NCOA1: variants seen among roughly 807,000 people sequenced by gnomAD.
NCOA1 encodes Hin-2 protein.
Under a neutral mutation model 150.9 loss-of-function variants are expected in NCOA1, and 35 were observed. That is an observed-to-expected ratio of 0.23 (90% CI 0.18 to 0.31). The LOEUF (loss-of-function observed/expected upper bound fraction) is 0.31. Ranked by LOEUF, NCOA1 falls within the 10% of genes least tolerant of loss-of-function variation. The pLI is 1.00. For missense variants in NCOA1, 1,491 were observed against 1,749.3 expected (o/e 0.85, Z 2.63); for synonymous variants, 590 against 630.0 (o/e 0.94, Z 0.95).
chr2:24,523,843 T>C (rs1664535501), intron 1 of NCOA1, among the ~76,000 whole-genome samples: 1 of 139,710 alleles, frequency 7.2e-6, no homozygotes, highest in Non-Finnish European at 1.5e-5. Context: ...GGAGAATCGC[T>C]TGAACCCAGG....
At chr2:24,559,092 T>C (rs966610989) in intron 1 of NCOA1, among the ~76,000 whole-genome samples, 17 of 152,176 alleles carry the variant, frequency 1.1e-4, no homozygotes, top group African/African-American at 3.6e-4. Context: ...GTAGTGCAGT[T>C]AGAAAAATAA....
chr2:24,713,406 A>G (rs1379001245), intron 14 of NCOA1, among the ~76,000 whole-genome samples: 2 of 152,176 alleles, frequency 1.3e-5, no homozygotes, highest in African/African-American at 4.8e-5. Context: ...TACTTGTACC[A>G]AAGCTTGTCA....
At chr2:24,522,563 G>T (rs534133122) in intron 1 of NCOA1, among the ~76,000 whole-genome samples, 1 of 152,154 alleles carries the variant, frequency 6.6e-6, no homozygotes, top group African/African-American at 2.4e-5. Flanking sequence ...TACACCAGAC[G>T]GAGTGCCCAA....
rs143048201 is a variant in NCOA1 at position 24,683,061 on chromosome 2, C to G, written c.465C>G (p.Ser155Arg). The change falls in exon 8 of 23, where the codon AGC (serine) becomes AGG (arginine). Residue 155 changes from serine (S) to arginine (R), a missense_variant. Coordinates refer to ENST00000348332, the MANE Select transcript of NCOA1 (RefSeq NM_003743.5). ...ATCAGGAGGAATTAATGAATACGAG[C>G]GTCTACAGCATACTGCACGTGGGGG... ...GYNQEELMNT[S>R]VYSILHVGDH... The G allele has an allele frequency of 6.2e-7, 1 of 1,609,756 alleles. No homozygotes were observed. The highest frequency in any genetic ancestry group is 8.5e-7 in the Non-Finnish European group (1 of 1,178,586).
Position 24,707,677 on chromosome 2 carries a change from A to G in NCOA1, c.2207A>G (p.Asp736Gly), listed in dbSNP as rs1673523613. ...QGNSSIKLEL[D>G]ASKKKESKDH... ...AACTCCAGTATAAAACTAGAACTGG[A>G]TGCTTCAAAGAAAAAAGAATCAAAA... Residue 736 changes from aspartate (D) to glycine (G), a missense_variant, in exon 13 of 23, where the codon GAT (aspartate) becomes GGT (glycine). Physicochemically the swap from Asp to Gly is moderately conservative, Grantham distance 94 (BLOSUM62 -1). Coordinates refer to ENST00000348332, the MANE Select transcript of NCOA1 (RefSeq NM_003743.5). The G allele has an allele frequency of 6.2e-7, 1 of 1,614,106 alleles. No homozygotes were observed. Among genetic ancestry groups the G allele is most frequent in the African/African-American group, 1.3e-5 (1 of 74,944 alleles).
chr2:24,697,249 C>T (rs1394162059), intron 10 of NCOA1, among the ~76,000 whole-genome samples: 1 of 152,160 alleles, frequency 6.6e-6, no homozygotes, highest in Non-Finnish European at 1.5e-5. Flanking sequence ...CTCATATTCT[C>T]TTCACTTAGT....
At chr2:24,525,784 G>A (rs192052617) in intron 1 of NCOA1, among the ~76,000 whole-genome samples, 33 of 152,204 alleles carry the variant, frequency 2.2e-4, no homozygotes, top group African/African-American at 7.0e-4. Flanking sequence ...CTGGCCTCAA[G>A]TGATCTGCCC....
chr2:24,691,406 G>T (rs564901474), intron 8 of NCOA1, 75 bp from the exon 9 acceptor site: 2 of 1,403,256 alleles, frequency 1.4e-6, no homozygotes, highest in East Asian at 4.6e-5. Context: ...ATGGCTTAAA[G>T]TACATCTTTT....
chr2:24,513,821 C>T (rs1056355145), intron 1 of NCOA1, among the ~76,000 whole-genome samples: 4 of 152,162 alleles, frequency 2.6e-5, no homozygotes, highest in Non-Finnish European at 5.9e-5. Flanking sequence ...AGATGGTTAG[C>T]AGCTGTTAGG....
Position 24,518,476 on chromosome 2 carries a change from G to A in NCOA1, c.-396+26874G>A, listed in dbSNP as rs369626944. 6.6e-5 allele frequency among the ~76,000 whole-genome samples: 10 copies of A among 152,056 alleles called. 1 individual carries two copies. The highest frequency in any genetic ancestry group is 2.6e-4 in the Admixed American group (4 of 15,274). The stretch of plus-strand genomic sequence containing the variant: ...TACCACTTTTCTTCCACATTATACT[G>A]GAGGTTCTAATCTGTATGATGAAGT... On this transcript the variant is annotated intron_variant, in intron 1 of 22. Transcript: ENST00000348332.
Position 24,707,413 on chromosome 2 carries a change from C to T in NCOA1, c.1943C>T (p.Ala648Val), listed in dbSNP as rs1024602594. The T allele has an allele frequency of 1.2e-6, 2 of 1,614,210 alleles. No homozygotes were observed. The highest frequency in any genetic ancestry group is 1.1e-5 in the South Asian group (1 of 91,086). The part of the protein sequence containing the change: ...TTTAEQQLRH[A>V]DIDTSCKDVL... ...ACTGCCGAACAGCAGTTACGGCATG[C>T]TGATATAGACACAAGCTGCAAAGAT... The change falls in exon 13 of 23, where the codon GCT (alanine) becomes GTT (valine). Residue 648 changes from alanine (A) to valine (V), a missense_variant. Transcript: ENST00000348332.
intron 4 of NCOA1, 90 bp from the exon 5 acceptor site, chr2:24,658,571 G>T (rs1671045701): frequency 2.2e-6 from 2 of 890,226 alleles, no homozygotes; most frequent in Admixed American, 2.2e-5. Context: ...ACAATTTTTA[G>T]AAATTTTCTA....
chr2:24,568,382 C>T (rs956881729), intron 2 of NCOA1, among the ~76,000 whole-genome samples: 3 of 152,022 alleles, frequency 2.0e-5, no homozygotes, highest in African/African-American at 7.3e-5. Flanking sequence ...CAAATTTTGG[C>T]CAGTTATATT....
intron 1 of NCOA1, among the ~76,000 whole-genome samples, chr2:24,499,840 AC>A (rs1663380481): frequency 6.6e-6 from 1 of 152,246 alleles, no homozygotes; most frequent in Non-Finnish European, 1.5e-5. Flanking sequence ...CCCCTAGCCA[AC>A]GTTACTCGTT....
chr2:24,712,404 G>A (rs943845270), intron 14 of NCOA1, among the ~76,000 whole-genome samples: 6 of 152,098 alleles, frequency 3.9e-5, no homozygotes, highest in Non-Finnish European at 5.9e-5. Context: ...TTTTCTCAGG[G>A]GACATTGAAT....
At chr2:24,544,003 AT>A (rs575741242) in intron 1 of NCOA1, among the ~76,000 whole-genome samples, 126 of 152,268 alleles carry the variant, frequency 8.3e-4, no homozygotes, top group African/African-American at 2.9e-3. Flanking sequence ...CTAACAAGAA[AT>A]TTTTCTAGGT....
At chr2:24,514,734 T>C (rs1414006774) in intron 1 of NCOA1, among the ~76,000 whole-genome samples, 1 of 151,718 alleles carries the variant, frequency 6.6e-6, no homozygotes, top group East Asian at 1.9e-4. Context: ...GTGGTGATTG[T>C]GCCACTGTGC....
chr2:24,517,012 A>G (rs1339285721), intron 1 of NCOA1, among the ~76,000 whole-genome samples: 122 of 145,382 alleles, frequency 8.4e-4, no homozygotes, highest in Non-Finnish European at 1.3e-3. Context: ...GCGCACACAC[A>G]CACACACACA....
chr2:24,510,488 A>G (rs554819373), intron 1 of NCOA1, among the ~76,000 whole-genome samples: 1 of 152,272 alleles, frequency 6.6e-6, no homozygotes, highest in South Asian at 2.1e-4. Context: ...GACTACAGGC[A>G]TGCACTACCT....
Sources: gnomAD v4.1 joint callset for allele counts (sites outside exome capture counted in the v4.1 genomes callset) on GRCh38, gnomAD v4.1.1 for gene constraint, MANE v1.5 for transcripts, NCBI Gene and HGNC (gene_info 2026-07-23, HGNC 2026-07-21) for gene names.